CLIC5: variants seen among roughly 807,000 people sequenced by gnomAD.
CLIC5 encodes chloride intracellular channel protein 5.
CLIC5 carries 20 observed loss-of-function variants against 24.7 expected under a neutral mutation model. That is an observed-to-expected ratio of 0.81 (90% CI 0.57 to 1.18). The LOEUF (loss-of-function observed/expected upper bound fraction) is 1.18, where lower values mean the gene tolerates loss of function less well. Ranked by LOEUF, CLIC5 falls within the 50% of genes most tolerant of loss-of-function variation. The probability of loss-of-function intolerance (pLI) is 0.00; values close to 1 mark genes in which losing one functional copy is unlikely to be tolerated. For missense variants in CLIC5, 341 were observed against 326.1 expected, an observed-to-expected ratio of 1.05 and a Z score of -0.35; for synonymous variants, 159 against 135.6, an observed-to-expected ratio of 1.17 and a Z score of -1.20.
At chr6:45,890,395 T>C (rs1176368563) in intron 6 of CLIC5, among the ~76,000 whole-genome samples, 2 of 152,180 alleles carry the variant, frequency 1.3e-5, no homozygotes, top group African/African-American at 4.8e-5. Context: ...AGATTGGCTA[T>C]TAACAAAAAG....
At chr6:46,077,447 G>A (rs1323806809) in intron 1 of CLIC5, among the ~76,000 whole-genome samples, 1 of 151,952 alleles carries the variant, frequency 6.6e-6, no homozygotes. Context: ...CCTCCAGTGT[G>A]GGGGACCAAC....
the CLIC5 span, among the ~76,000 whole-genome samples, chr6:46,095,656 C>T: frequency 6.6e-6 from 1 of 152,224 alleles, no homozygotes; most frequent in Non-Finnish European, 1.5e-5. Context: ...GAGACTGCTG[C>T]AGCCTGGATT....
chr6:45,996,094 C>T (rs1279885720), intron 1 of CLIC5, among the ~76,000 whole-genome samples: 1 of 149,372 alleles, frequency 6.7e-6, no homozygotes, highest in Non-Finnish European at 1.5e-5. Flanking sequence ...AACAAACCTG[C>T]ACATCCTGCA....
the CLIC5 span, among the ~76,000 whole-genome samples, chr6:46,115,503 T>C: frequency 6.6e-6 from 1 of 152,206 alleles, no homozygotes; most frequent in Non-Finnish European, 1.5e-5. Context: ...TTTCCCTTTT[T>C]TCAGCTTTTG....
At chr6:45,889,716 T>G (rs987586557) in intron 6 of CLIC5, among the ~76,000 whole-genome samples, 1 of 152,210 alleles carries the variant, frequency 6.6e-6, no homozygotes, top group African/African-American at 2.4e-5. Context: ...ATACATTTCC[T>G]ATTTAAAATA....
rs112259901 is a variant in CLIC5 at position 45,965,988 on chromosome 6, A to G, written c.64-10744T>C. 4.6e-5 allele frequency among the ~76,000 whole-genome samples: 7 copies of G among 152,294 alleles called. No individual in the cohort carries two copies. In the East Asian group the frequency reaches 5.8e-4, roughly 13 times the overall value. On this transcript the variant is annotated intron_variant, in intron 1 of 5. Transcript: ENST00000339561. ...ATCCTGACATAGCTGAGATTCCTCA[A>G]TTATTACTCATCTGCCCTTCTGTTC... is the stretch of plus-strand genomic sequence containing the variant.
At chr6:45,935,868 A>G (rs1763911580) in intron 4 of CLIC5, among the ~76,000 whole-genome samples, 1 of 152,200 alleles carries the variant, frequency 6.6e-6, no homozygotes, top group Non-Finnish European at 1.5e-5. Context: ...AGGGAGCTGC[A>G]CATAGCAGGC....
chr6:46,033,195 G>T (rs1767560756), intron 1 of CLIC5, among the ~76,000 whole-genome samples: 1 of 151,344 alleles, frequency 6.6e-6, no homozygotes, highest in Admixed American at 6.6e-5. Flanking sequence ...CACCATATTG[G>T]CCAGGATAGT....
At chr6:45,948,945 G>A (rs1764375912) in intron 3 of CLIC5, among the ~76,000 whole-genome samples, 1 of 152,112 alleles carries the variant, frequency 6.6e-6, no homozygotes, top group South Asian at 2.1e-4. Context: ...CAAGCAAAGT[G>A]AGCTGGAGAG....
intron 1 of CLIC5, among the ~76,000 whole-genome samples, chr6:45,974,094 C>A (rs1016307522): frequency 2.0e-5 from 3 of 152,038 alleles, no homozygotes; most frequent in Non-Finnish European, 4.4e-5. Flanking sequence ...AGTGTGATCC[C>A]TTTTTGTATT....
At position 46,069,203 on chromosome 6, in the gene CLIC5, C is replaced by T. The variant is rs78325927; in HGVS notation, c.540+10500G>A. On this transcript the variant is annotated intron_variant, in intron 1 of 5. Coordinates refer to the CLIC5 transcript ENST00000185206. The stretch of plus-strand genomic sequence containing the variant: ...AAGTAATGAAGTCTTAGCTAAAAGT[C>T]TGAGTATCATGAAAAACTTTTATGC... Among the ~76,000 whole-genome samples, 800 of 152,190 alleles carry T rather than the reference C, an allele frequency of 5.3e-3. 4 individuals are homozygous for T. Among genetic ancestry groups the T allele is most frequent in the East Asian group, 0.02 (104 of 5,174 alleles).
At chr6:46,108,069 CAG>C in the CLIC5 span, among the ~76,000 whole-genome samples, 1 of 106,072 alleles carries the variant, frequency 9.4e-6, no homozygotes, top group Non-Finnish European at 2.1e-5. Context: ...TCAATGGATA[CAG>C]AAAGTTGGAA....
upstream of CLIC5, among the ~76,000 whole-genome samples, chr6:46,019,687 C>A: frequency 8.3e-6 from 1 of 120,666 alleles, no homozygotes; most frequent in African/African-American, 3.3e-5. Context: ...AGCGAGACTC[C>A]GTCTCAAAAA....
chr6:46,062,675 A>G (rs1762318868), intron 1 of CLIC5, among the ~76,000 whole-genome samples: 1 of 152,332 alleles, frequency 6.6e-6, no homozygotes, highest in Non-Finnish European at 1.5e-5. Flanking sequence ...AGAGTCTGTC[A>G]TACTTTTGAG....
At chr6:45,986,855 C>T (rs1201451764) in intron 1 of CLIC5, among the ~76,000 whole-genome samples, 1 of 152,160 alleles carries the variant, frequency 6.6e-6, no homozygotes, top group Non-Finnish European at 1.5e-5. Context: ...TATAAAGAGG[C>T]AGTAAATGTG....
the CLIC5 span, among the ~76,000 whole-genome samples, chr6:46,108,399 T>TGA: frequency 7.4e-6 from 1 of 134,334 alleles, no homozygotes; most frequent in African/African-American, 2.7e-5. Flanking sequence ...TGTGTGTGTG[T>TGA]GTGAGAGAGA....
chr6:46,045,203 A>C (rs1160221145), intron 1 of CLIC5, among the ~76,000 whole-genome samples: 2 of 152,214 alleles, frequency 1.3e-5, no homozygotes, highest in African/African-American at 4.8e-5. Context: ...GTCAGAAGAT[A>C]AACAAGTTTG....
upstream of CLIC5, among the ~76,000 whole-genome samples, chr6:46,016,537 T>C (rs900012017): frequency 2.6e-5 from 4 of 152,200 alleles, no homozygotes; most frequent in African/African-American, 7.2e-5. Flanking sequence ...TCTTTCATTT[T>C]CTTTCTATTT....
At chr6:46,079,270 A>G (rs945093623) in intron 1 of CLIC5, among the ~76,000 whole-genome samples, 2 of 152,224 alleles carry the variant, frequency 1.3e-5, no homozygotes, top group African/African-American at 4.8e-5. Context: ...GCCTTTATTG[A>G]CCACCTATCT....
Sources: gnomAD v4.1 joint callset for allele counts (sites outside exome capture counted in the v4.1 genomes callset) on GRCh38, gnomAD v4.1.1 for gene constraint, MANE v1.5 for transcripts, NCBI Gene and HGNC (gene_info 2026-07-23, HGNC 2026-07-21) for gene names.